The following ACSL5 variants were observed in gnomAD, a reference collection of about 807,000 sequenced individuals.
ACSL5 encodes the protein long-chain-fatty-acid--CoA ligase 5.
ACSL5 carries 50 observed loss-of-function variants against 84.9 expected under a neutral mutation model. The ratio of observed to expected loss-of-function variants is 0.59; its 90% CI spans 0.47 to 0.75. ACSL5 has a LOEUF of 0.75. Ranked by LOEUF, ACSL5 falls within the 30% of genes least tolerant of loss-of-function variation. The probability of loss-of-function intolerance (pLI) is 0.00; values close to 1 mark genes in which losing one functional copy is unlikely to be tolerated. For missense variants in ACSL5, 775 were observed against 830.4 expected (o/e 0.93, Z 0.82); for synonymous variants, 280 against 300.7 (o/e 0.93, Z 0.71).
intron 5 of ACSL5, chr10:112,406,524 T>C (rs1016133065): frequency 1.3e-5 from 2 of 152,368 alleles, no homozygotes; most frequent in African/African-American, 2.4e-5. Flanking sequence ...AACATCTACA[T>C]TGATATTTAA....
At chr10:112,410,885 C>T (rs1004255926) in intron 9 of ACSL5, among the ~76,000 whole-genome samples, 1 of 152,098 alleles carries the variant, frequency 6.6e-6, no homozygotes, top group Non-Finnish European at 1.5e-5. Context: ...GTCAGAAAGT[C>T]CTTTCCCCCG....
intron 5 of ACSL5, chr10:112,406,038 T>C (rs1039054619): frequency 6.6e-6 from 1 of 151,948 alleles, no homozygotes; most frequent in African/African-American, 2.4e-5. Context: ...GCAGGAAATA[T>C]AGGCACCCTC....
chr10:112,391,637 A>G (rs1447369412), intron 1 of ACSL5, among the ~76,000 whole-genome samples: 1 of 152,182 alleles, frequency 6.6e-6, no homozygotes, highest in East Asian at 1.9e-4. Flanking sequence ...GGGCAATATG[A>G]TTGAAGTCTG....
intron 12 of ACSL5, among the ~76,000 whole-genome samples, chr10:112,414,587 A>G (rs1190382329): frequency 6.6e-5 from 10 of 151,816 alleles, no homozygotes; most frequent in African/African-American, 2.4e-4. Flanking sequence ...CGAACTCCTG[A>G]CCTCAAGTGA....
In ACSL5 at chr10:112,428,280, A is replaced by C. The variant is rs1210946265; in HGVS notation, c.*922A>C. 1 of 390,842 alleles carries C rather than the reference A, an allele frequency of 2.6e-6. No individual in the cohort carries two copies. Among genetic ancestry groups the C allele is most frequent in the East Asian group, 3.6e-5 (1 of 27,696 alleles). The allele number at this position is 390,842 out of a possible 1,614,324, so 24.2% of individuals were successfully genotyped here. Reference sequence around the variant, plus strand: ...GTGAAGGAACCAACTGATCTCCCCCACCCTTGGATTAGAGTTCCTGCTCTA... The same window carrying C: ...GTGAAGGAACCAACTGATCTCCCCCCCCCTTGGATTAGAGTTCCTGCTCTA... On this transcript the variant is annotated 3_prime_UTR_variant, in exon 21 of 21. Transcript: ENST00000354655.
chr10:112,386,699 C>T (rs759252211), intron 1 of ACSL5, among the ~76,000 whole-genome samples: 3 of 152,180 alleles, frequency 2.0e-5, no homozygotes, highest in Non-Finnish European at 4.4e-5. Flanking sequence ...TTTAAGGTGA[C>T]AGGAACCTTG....
At chr10:112,381,841 C>T (rs2133564263) in intron 1 of ACSL5, among the ~76,000 whole-genome samples, 1 of 151,724 alleles carries the variant, frequency 6.6e-6, no homozygotes, top group African/African-American at 2.4e-5. Context: ...GTGGCACGTG[C>T]CTGTAGTCCC....
chr10:112,428,124 G>A lies in ACSL5; in HGVS notation c.*766G>A, dbSNP rs962066522. 1.1e-5 allele frequency: 3 copies of A among 277,946 alleles called. No individual in the cohort carries two copies. The highest frequency in any genetic ancestry group is 6.5e-5 in the African/African-American group (3 of 46,024). 17.2% of individuals were successfully genotyped at this position (277,946 alleles called of 1,614,324 possible). On this transcript the variant is annotated 3_prime_UTR_variant, in exon 21 of 21. Transcript: ENST00000354655. ...AGTTTGCTGCTGAGCTGGAAGCTGTGGGGGAAGGAGTTGACAGGTGGGCCC... is the reference window on the plus strand; with the variant it reads ...AGTTTGCTGCTGAGCTGGAAGCTGTAGGGGAAGGAGTTGACAGGTGGGCCC...
chr10:112,380,624 G>A (rs1849331676), intron 1 of ACSL5, among the ~76,000 whole-genome samples: 1 of 152,156 alleles, frequency 6.6e-6, no homozygotes, highest in Non-Finnish European at 1.5e-5. Flanking sequence ...AACCTAATGA[G>A]ATGATTGGTC....
At chr10:112,418,523 A>AG (rs1844371991) in intron 14 of ACSL5, among the ~76,000 whole-genome samples, 1 of 152,092 alleles carries the variant, frequency 6.6e-6, no homozygotes, top group Non-Finnish European at 1.5e-5. Context: ...TGGAGCTTGC[A>AG]GTGAGCTGAG....
intron 5 of ACSL5, 23 bp from the exon 6 acceptor site, chr10:112,408,399 T>TA: frequency 6.7e-7 from 1 of 1,499,076 alleles, no homozygotes; most frequent in South Asian, 1.1e-5. Flanking sequence ...CTCCAGTCCT[T>TA]ACTTGAACTT....
intron 1 of ACSL5, among the ~76,000 whole-genome samples, chr10:112,375,033 T>C (rs1849210465): frequency 6.7e-6 from 1 of 150,216 alleles, no homozygotes; most frequent in South Asian, 2.1e-4. Flanking sequence ...ACTTGAGCAT[T>C]TTTACTGGAG....
chr10:112,383,493 C>G (rs929212707), intron 1 of ACSL5, among the ~76,000 whole-genome samples: 13 of 152,230 alleles, frequency 8.5e-5, no homozygotes, highest in African/African-American at 3.1e-4. Context: ...TTTCAGGGCC[C>G]CTCGGCCCTG....
chr10:112,401,823 T>TCTTC (rs1843908728), intron 3 of ACSL5, among the ~76,000 whole-genome samples: 2 of 114,110 alleles, frequency 1.8e-5, no homozygotes, highest in African/African-American at 2.9e-5. Flanking sequence ...TTTCTTTCTT[T>TCTTC]CTTTCTTTCT....
intron 1 of ACSL5, among the ~76,000 whole-genome samples, chr10:112,384,715 C>A (rs1414059852): frequency 6.6e-6 from 1 of 152,120 alleles, no homozygotes; most frequent in African/African-American, 2.4e-5. Context: ...ACCGTGTTCC[C>A]CAGACTCAAA....
chr10:112,415,420 C>T lies in ACSL5; in HGVS notation c.1084-1468C>T, dbSNP rs568064609. On this transcript the variant is annotated intron_variant, in intron 12 of 20. Coordinates refer to ENST00000354655, the MANE Select transcript of ACSL5 (RefSeq NM_203379.2). ...TTCACCGTGTTAGCCAGGATGGTCT[C>T]GATCTCCCTGGAATGTATTTTTAAA... Among the ~76,000 whole-genome samples the T allele has an allele frequency of 5.9e-5, 9 of 152,234 alleles. No homozygotes were observed. The South Asian group carries it at 1.4e-3, about 25-fold the overall frequency.
At chr10:112,410,543 A>G in intron 8 of ACSL5, 41 bp from the exon 9 acceptor site, 1 of 1,614,180 alleles carries the variant, frequency 6.2e-7, no homozygotes, top group Non-Finnish European at 8.5e-7. Flanking sequence ...GTCAACTCTC[A>G]AAGTTCATGG....
rs763418582 is a variant in ACSL5 at position 112,411,439 on chromosome 10, C to T, written c.797-17C>T. The T allele has an allele frequency of 6.3e-7, 1 of 1,596,540 alleles. No homozygotes were observed. Among genetic ancestry groups the T allele is most frequent in the Non-Finnish European group, 8.6e-7 (1 of 1,164,138 alleles). ...GCTACATAAAGTATCTTTCTCTCCA[C>T]CTCTTATTTCCTACAGGTGACCCCA... On this transcript the variant is annotated splice_polypyrimidine_tract_variant and intron_variant, in intron 9 of 20. Transcript: ENST00000354655.
chr10:112,412,835 C>T (rs111490233), intron 11 of ACSL5, among the ~76,000 whole-genome samples: 476 of 152,314 alleles, frequency 3.1e-3, no homozygotes, highest in African/African-American at 0.011. Flanking sequence ...TAATGAATTG[C>T]GTCTTACAAA....
Sources: allele counts gnomAD v4.1 joint callset (sites outside exome capture counted in the v4.1 genomes callset), GRCh38; gene constraint gnomAD v4.1.1; transcripts MANE v1.5; gene names NCBI Gene and HGNC (gene_info 2026-07-23, HGNC 2026-07-21).